UGT1A7: variants seen among roughly 807,000 people sequenced by gnomAD.
The protein encoded by UGT1A7 is UDP-glucuronosyltransferase 1A7.
In UGT1A7, 33 loss-of-function variants were observed where a neutral mutation model predicts 45.6. That is an observed-to-expected ratio of 0.72 (90% confidence interval 0.55 to 0.97). The LOEUF is 0.97. Ranked by LOEUF, UGT1A7 falls within the 50% of genes least tolerant of loss-of-function variation. The pLI, the probability that UGT1A7 is intolerant of heterozygous loss-of-function variation, is 0.00. For missense variants in UGT1A7, 684 were observed against 666.2 expected (o/e 1.03, Z -0.29); for synonymous variants, 274 against 250.6 (o/e 1.09, Z -0.88).
At chr2:233,760,745 T>A (rs1697549301) in intron 1 of UGT1A7, 1 of 1,614,020 alleles carries the variant, frequency 6.2e-7, no homozygotes, top group Non-Finnish European at 8.5e-7. Flanking sequence ...ACGGACCCTT[T>A]CCTTCCTTGC....
At chr2:233,744,050 T>G in intron 1 of UGT1A7, 1 of 675,568 alleles carries the variant, frequency 1.5e-6, no homozygotes, top group Non-Finnish European at 2.1e-6. Flanking sequence ...CCACATCTCA[T>G]TGGTCGAGGC....
chr2:233,699,028 C>T (rs1427032707), intron 1 of UGT1A7, among the ~76,000 whole-genome samples: 1 of 152,216 alleles, frequency 6.6e-6, no homozygotes, highest in Non-Finnish European at 1.5e-5. Flanking sequence ...AGCCACCAGG[C>T]AGTCCCAGAT....
At chr2:233,696,527 A>C (rs1396339864) in intron 1 of UGT1A7, among the ~76,000 whole-genome samples, 5 of 152,160 alleles carry the variant, frequency 3.3e-5, no homozygotes, top group Non-Finnish European at 7.3e-5. Flanking sequence ...TTTTGGGTGG[A>C]ATGTTTAAAT....
intron 1 of UGT1A7, among the ~76,000 whole-genome samples, chr2:233,758,743 G>T (rs1250346162): frequency 6.6e-6 from 1 of 152,162 alleles, no homozygotes; most frequent in East Asian, 1.9e-4. Context: ...CCCAAGTATG[G>T]CTGGCCAGTG....
intron 3 of UGT1A7, 44 bp from the exon 4 acceptor site, chr2:233,768,176 C>A: frequency 6.2e-7 from 1 of 1,613,910 alleles, no homozygotes; most frequent in South Asian, 1.1e-5. Context: ...AGCTGTGAAA[C>A]TCAGAGATGT....
chr2:233,764,538 TG>T (rs1304174428), intron 1 of UGT1A7, among the ~76,000 whole-genome samples: 1 of 152,146 alleles, frequency 6.6e-6, no homozygotes, highest in Non-Finnish European at 1.5e-5. Flanking sequence ...GATTGCTGAG[TG>T]GGCGTGTGGG....
At chr2:233,711,359 T>G (rs576618910) in intron 1 of UGT1A7, among the ~76,000 whole-genome samples, 1 of 152,314 alleles carries the variant, frequency 6.6e-6, no homozygotes, top group East Asian at 1.9e-4. Context: ...GGGAGCCCCC[T>G]GAATGTGGTG....
chr2:233,701,118 A>G (rs1399584503), intron 1 of UGT1A7, among the ~76,000 whole-genome samples: 1 of 152,168 alleles, frequency 6.6e-6, no homozygotes, highest in East Asian at 1.9e-4. Context: ...CCAGTCTATC[A>G]TTGAGGGACA....
At position 233,769,954 on chromosome 2, in the gene UGT1A7, T is replaced by G. The variant is rs1348335811; in HGVS notation, c.1295+1515T>G. 3 of 220,032 alleles carry G rather than the reference T, an allele frequency of 1.4e-5. No individual in the cohort carries two copies. The highest frequency in any genetic ancestry group is 2.3e-5 in the African/African-American group (1 of 44,160). The allele number at this position is 220,032 out of a possible 1,614,324, so 13.6% of individuals were successfully genotyped here. Reference sequence around the variant, plus strand: ...CCCATTCCTTCCTTCCAGCGGCTTCTTCTGGCCACCTCAATGTCAGGATGT... The same window carrying G: ...CCCATTCCTTCCTTCCAGCGGCTTCGTCTGGCCACCTCAATGTCAGGATGT... On this transcript the variant is annotated intron_variant, in intron 4 of 4. Coordinates refer to ENST00000373426, the MANE Select transcript of UGT1A7 (RefSeq NM_019077.3). This position sits in a 1 kb window ranked among gnomAD's most constrained non-coding sequence, Gnocchi z 4.4.
rs185880509 is a variant in UGT1A7 at position 233,715,758 on chromosome 2, C to T, written c.855+32966C>T. 7.9e-5 allele frequency among the ~76,000 whole-genome samples: 12 copies of T among 152,156 alleles called. No individual in the cohort carries two copies. In the East Asian group the frequency reaches 1.9e-3, roughly 24 times the overall value. ...CCTCACTCCAGCCTGAGTGACAGAG[C>T]GAGGACCCATCTCAAAAAAATAAAA... On this transcript the variant is annotated intron_variant, in intron 1 of 4. Coordinates refer to ENST00000373426, the MANE Select transcript of UGT1A7 (RefSeq NM_019077.3).
At chr2:233,696,930 A>G (rs556497492) in intron 1 of UGT1A7, among the ~76,000 whole-genome samples, 1 of 152,268 alleles carries the variant, frequency 6.6e-6, no homozygotes, top group Middle Eastern at 3.4e-3. Context: ...ATATCAATAA[A>G]TGCATCAGGA....
At chr2:233,693,836 A>C in intron 1 of UGT1A7, 1 of 1,614,182 alleles carries the variant, frequency 6.2e-7, no homozygotes, top group Non-Finnish European at 8.5e-7. Flanking sequence ...TGGAGGTATC[A>C]ACTGTAAGAA....
At chr2:233,752,890 C>A (rs537828663) in intron 1 of UGT1A7, among the ~76,000 whole-genome samples, 13 of 152,204 alleles carry the variant, frequency 8.5e-5, no homozygotes, top group Admixed American at 7.2e-4. Context: ...AACTAGCCAG[C>A]GTTGTTACAG....
intron 1 of UGT1A7, among the ~76,000 whole-genome samples, chr2:233,732,898 G>C (rs1347576081): frequency 6.6e-6 from 1 of 151,914 alleles, no homozygotes; most frequent in Non-Finnish European, 1.5e-5. Flanking sequence ...AATTACCTTG[G>C]GCAGTATGGC....
At chr2:233,738,133 A>G (rs1397029261) in intron 1 of UGT1A7, among the ~76,000 whole-genome samples, 2 of 152,126 alleles carry the variant, frequency 1.3e-5, no homozygotes, top group African/African-American at 2.4e-5. Flanking sequence ...AGGGGCCCTT[A>G]TCCCTTCACT....
chr2:233,747,491 G>A, intron 1 of UGT1A7: 2 of 1,608,968 alleles, frequency 1.2e-6, no homozygotes, highest in South Asian at 2.2e-5. Flanking sequence ...ATCGCCTTGT[G>A]CTGGGCCACA....
chr2:233,757,188 C>G (rs1300047445), intron 1 of UGT1A7, among the ~76,000 whole-genome samples: 1 of 150,488 alleles, frequency 6.6e-6, no homozygotes, highest in African/African-American at 2.5e-5. Flanking sequence ...GCAGAGGACT[C>G]TGAATTTTCT....
rs72551343 is a variant in UGT1A7, at chr2:233,760,912, C to T, written c.856-6122C>T. 1.4e-5 allele frequency: 23 copies of T among 1,614,070 alleles called. 1 individual carries two copies. In the South Asian group the frequency reaches 1.5e-4, roughly 11 times the overall value. On this transcript the variant is annotated intron_variant, in intron 1 of 4. Transcript: ENST00000373426. ...TTCAGATCACATGACCTTCCTGCAGCGGGTGAAGAACATGCTCATTGCCTT... is the reference window on the plus strand; with the variant it reads ...TTCAGATCACATGACCTTCCTGCAGTGGGTGAAGAACATGCTCATTGCCTT...
At position 233,697,083 on chromosome 2, in the gene UGT1A7, CT is replaced by C. The variant is rs529192825; in HGVS notation, c.855+14292del. 1.1e-4 allele frequency among the ~76,000 whole-genome samples: 16 copies of C among 152,102 alleles called. No homozygotes were observed. In the East Asian group the frequency reaches 3.1e-3, roughly 29 times the overall value. On this transcript the variant is annotated intron_variant, in intron 1 of 4. Coordinates refer to ENST00000373426, the MANE Select transcript of UGT1A7 (RefSeq NM_019077.3). ...GTCTGGTTTTGGTATCAGGGTAACA[CT>C]GGTCTCACAGGATGAGTTTGGAAGT...
Sources: allele counts gnomAD v4.1 joint callset (sites outside exome capture counted in the v4.1 genomes callset), GRCh38; gene constraint gnomAD v4.1.1; non-coding constraint Gnocchi (gnomAD v3.1); transcripts MANE v1.5; gene names NCBI Gene and HGNC (gene_info 2026-07-23, HGNC 2026-07-21).